NRXN1: variants seen among roughly 807,000 people sequenced by gnomAD.
The protein encoded by NRXN1 is neurexin 1, also known as neurexin-1.
A neutral mutation model predicts 150.9 loss-of-function variants in NRXN1; 39 were observed. That is an observed-to-expected ratio of 0.26 (90% CI 0.20 to 0.34). NRXN1 has a LOEUF of 0.34. NRXN1 is among the 10% of genes least tolerant of loss of function. The pLI, the probability that NRXN1 is intolerant of heterozygous loss-of-function variation, is 1.00. For missense variants in NRXN1, 1,815 were observed against 1,949.9 expected, an observed-to-expected ratio of 0.93 and a Z score of 1.30; for synonymous variants, 924 against 757.0, an observed-to-expected ratio of 1.22 and a Z score of -3.62.
chr2:50,532,375 G>A (rs942027567), intron 10 of NRXN1, among the ~76,000 whole-genome samples: 6 of 82,228 alleles, frequency 7.3e-5, no homozygotes, highest in African/African-American at 1.8e-4. Flanking sequence ...AAGAAATATA[G>A]CTTAACTATA....
intron 22 of NRXN1, among the ~76,000 whole-genome samples, chr2:49,923,231 A>G (rs1386935799): frequency 6.6e-6 from 1 of 152,138 alleles, no homozygotes; most frequent in Non-Finnish European, 1.5e-5. Flanking sequence ...CTTTTCCCCT[A>G]TATATAATAA....
chr2:50,442,389 T>A (rs2086033026), intron 17 of NRXN1, among the ~76,000 whole-genome samples: 1 of 152,178 alleles, frequency 6.6e-6, no homozygotes, highest in Non-Finnish European at 1.5e-5. Context: ...TAAATTTCCT[T>A]TGTTGTAACT....
At chr2:50,655,242 A>G (rs879649338) in intron 5 of NRXN1, among the ~76,000 whole-genome samples, 1 of 146,294 alleles carries the variant, frequency 6.8e-6, no homozygotes, top group African/African-American at 2.6e-5. Flanking sequence ...TGTATCTTTC[A>G]TATTTTTCAA....
At chr2:50,576,546 A>G (rs543149616) in intron 8 of NRXN1, among the ~76,000 whole-genome samples, 1 of 152,252 alleles carries the variant, frequency 6.6e-6, no homozygotes, top group South Asian at 2.1e-4. Context: ...ATTTTAAGCT[A>G]CCTAAAGAAA....
intron 12 of NRXN1, among the ~76,000 whole-genome samples, chr2:50,512,640 A>C (rs897674892): frequency 3.3e-5 from 5 of 152,168 alleles, no homozygotes; most frequent in African/African-American, 9.7e-5. Context: ...GCAGGATGAA[A>C]CTAATGCCTG....
intron 8 of NRXN1, among the ~76,000 whole-genome samples, chr2:50,596,863 CTTTTTTTT>C (rs3053104): frequency 2.2e-5 from 2 of 92,152 alleles, no homozygotes; most frequent in Admixed American, 1.3e-4. Context: ...ATTCCTAGGA[CTTTTTTTT>C]TTTTTTTTTT....
At chr2:50,043,966 A>G (rs1008433992) in intron 21 of NRXN1, among the ~76,000 whole-genome samples, 1 of 152,114 alleles carries the variant, frequency 6.6e-6, no homozygotes, top group Non-Finnish European at 1.5e-5. Context: ...TGGAAGGAAG[A>G]ATGAAAAAAA....
Position 50,472,393 on chromosome 2 carries a change from T to C in NRXN1, c.3149A>G (p.Gln1050Arg). ...PKLVHAKEGFQGCLASVDLNG... is the reference protein window; with the variant it reads ...PKLVHAKEGFRGCLASVDLNG... ...TAAATCAACTGATGCCAGGCAGCCT[T>C]GAAAGCCTTCTTTGGCATGTACAAG... is the stretch of plus-strand genomic sequence containing the variant. The change falls in exon 16 of 23, where the codon CAA (glutamine) becomes CGA (arginine). Residue 1050 changes from glutamine (Q) to arginine (R), a missense_variant. By Grantham distance (43) the Gln-to-Arg change is conservative. Transcript: ENST00000401669. 1 of 1,612,346 alleles carries C rather than the reference T, an allele frequency of 6.2e-7. No individual in the cohort carries two copies. The highest frequency in any genetic ancestry group is 8.5e-7 in the Non-Finnish European group (1 of 1,178,888).
intron 5 of NRXN1, among the ~76,000 whole-genome samples, chr2:50,865,862 T>C (rs982834020): frequency 6.6e-6 from 1 of 151,106 alleles, no homozygotes; most frequent in Admixed American, 6.6e-5. Flanking sequence ...TTAAAAACAA[T>C]CTGAGAAGGG....
At chr2:50,370,492 T>C (rs896009995) in intron 17 of NRXN1, among the ~76,000 whole-genome samples, 12 of 152,070 alleles carry the variant, frequency 7.9e-5, no homozygotes, top group African/African-American at 2.7e-4. Context: ...CATGTCTGTA[T>C]GTATCTATAA....
chr2:50,813,647 G>A (rs1668532583), intron 5 of NRXN1, among the ~76,000 whole-genome samples: 1 of 152,148 alleles, frequency 6.6e-6, no homozygotes. Flanking sequence ...TTATTACTAA[G>A]TCTGAATCAG....
chr2:50,944,042 T>C (rs763528), intron 2 of NRXN1, among the ~76,000 whole-genome samples: 1 of 152,202 alleles, frequency 6.6e-6, no homozygotes, highest in Non-Finnish European at 1.5e-5. Flanking sequence ...ACTCAAAATA[T>C]GCAGGGCTTG....
chr2:50,579,917 T>A (rs978097596), intron 8 of NRXN1, among the ~76,000 whole-genome samples: 4 of 152,200 alleles, frequency 2.6e-5, no homozygotes, highest in African/African-American at 9.6e-5. Context: ...GAAAGGGTTA[T>A]ATTTTCTGAT....
chr2:50,492,855 A>G (rs2091336399), intron 15 of NRXN1, among the ~76,000 whole-genome samples: 1 of 152,218 alleles, frequency 6.6e-6, no homozygotes, highest in South Asian at 2.1e-4. Flanking sequence ...TGGCCTCAAC[A>G]TAGATCTTGC....
chr2:50,770,902 C>T (rs1702940623), intron 5 of NRXN1, among the ~76,000 whole-genome samples: 2 of 152,052 alleles, frequency 1.3e-5, no homozygotes, highest in East Asian at 3.9e-4. Flanking sequence ...TACATATCCA[C>T]AGTACTCTCA....
chr2:50,462,436 T>C (rs1257436928), intron 17 of NRXN1, among the ~76,000 whole-genome samples: 1 of 151,702 alleles, frequency 6.6e-6, no homozygotes, highest in Non-Finnish European at 1.5e-5. Context: ...AGGCACAGAA[T>C]GGATCAGAGG....
intron 22 of NRXN1, among the ~76,000 whole-genome samples, chr2:49,923,476 T>C (rs1668567657): frequency 6.6e-6 from 1 of 152,204 alleles, no homozygotes; most frequent in African/African-American, 2.4e-5. Context: ...ATCTCATGAT[T>C]CCATATATAT....
At chr2:50,130,835 G>A (rs901229306) in intron 18 of NRXN1, among the ~76,000 whole-genome samples, 1 of 152,174 alleles carries the variant, frequency 6.6e-6, no homozygotes, top group Non-Finnish European at 1.5e-5. Flanking sequence ...TCCAGGTGAA[G>A]ACTTGAAAAG....
At chr2:50,533,952 G>A (rs919587694) in intron 10 of NRXN1, among the ~76,000 whole-genome samples, 1 of 152,116 alleles carries the variant, frequency 6.6e-6, no homozygotes, top group East Asian at 1.9e-4. Flanking sequence ...CTTGTTTGTA[G>A]AGTATTATCT....
Sources: gnomAD v4.1 joint callset for allele counts (sites outside exome capture counted in the v4.1 genomes callset) on GRCh38, gnomAD v4.1.1 for gene constraint, MANE v1.5 for transcripts, NCBI Gene and HGNC (gene_info 2026-07-23, HGNC 2026-07-21) for gene names.